The following FHIT variants were observed in gnomAD, a reference collection of about 807,000 sequenced individuals.
FHIT encodes bis(5'-adenosyl)-triphosphatase.
In FHIT, 19 loss-of-function variants were observed where a neutral mutation model predicts 17.9. The observed-to-expected ratio is 1.06, with a 90% CI of 0.74 to 1.56. FHIT has a LOEUF of 1.56. Among genes scored for constraint, FHIT ranks in the 40% most tolerant of loss-of-function variants. The pLI, the probability that FHIT is intolerant of heterozygous loss-of-function variation, is 0.00. For missense variants in FHIT, 248 were observed against 189.2 expected, an observed-to-expected ratio of 1.31 and a Z score of -1.82; for synonymous variants, 81 against 69.7, an observed-to-expected ratio of 1.16 and a Z score of -0.81.
At chr3:60,321,156 G>T (rs183615569) in intron 5 of FHIT, among the ~76,000 whole-genome samples, 5 of 152,120 alleles carry the variant, frequency 3.3e-5, no homozygotes, top group African/African-American at 1.2e-4. Flanking sequence ...TTCCCACCCT[G>T]CGAAGAATGG....
chr3:59,888,334 T>C (rs1703712764), intron 8 of FHIT, among the ~76,000 whole-genome samples: 1 of 152,176 alleles, frequency 6.6e-6, no homozygotes, highest in South Asian at 2.1e-4. Flanking sequence ...TAAATTTTGT[T>C]CTAATAAGGA....
rs1343610738 is a variant in FHIT at position 60,453,210 on chromosome 3, T to A, written c.103+83650A>T. The stretch of plus-strand genomic sequence containing the variant: ...TGCCTGAGCAGATTTTTTTTTTTTT[T>A]AACTCAAGTGCCCTATACAACTTCC... On this transcript the variant is annotated intron_variant, in intron 5 of 9. Coordinates refer to ENST00000492590, the MANE Select transcript of FHIT (RefSeq NM_002012.4). Among the ~76,000 whole-genome samples, 7 of 139,128 alleles carry A rather than the reference T, an allele frequency of 5.0e-5. No individual in the cohort carries two copies. The East Asian group carries it at 1.4e-3, about 27-fold the overall frequency. The allele number at this position is 139,128 out of a possible 152,430, so 91.3% of individuals were successfully genotyped here.
At chr3:59,771,218 G>A (rs910216607) in intron 8 of FHIT, among the ~76,000 whole-genome samples, 3 of 152,114 alleles carry the variant, frequency 2.0e-5, no homozygotes, top group African/African-American at 7.2e-5. Context: ...TCGAATTGCA[G>A]AAGGAAGAAC....
intron 5 of FHIT, among the ~76,000 whole-genome samples, chr3:60,460,411 T>G (rs142725376): frequency 6.6e-6 from 1 of 152,084 alleles, no homozygotes; most frequent in East Asian, 1.9e-4. Flanking sequence ...GCTTTTATAT[T>G]GGTTAAAAAA....
intron 5 of FHIT, among the ~76,000 whole-genome samples, chr3:60,110,785 A>T (rs1468581167): frequency 6.6e-6 from 1 of 152,244 alleles, no homozygotes; most frequent in Non-Finnish European, 1.5e-5. Context: ...CAGTTAAGGA[A>T]GGGGTTTGAC....
At chr3:60,264,573 AAGAGAGTTAAT>A (rs923698120) in intron 5 of FHIT, among the ~76,000 whole-genome samples, 12 of 152,006 alleles carry the variant, frequency 7.9e-5, no homozygotes, top group African/African-American at 2.7e-4. Flanking sequence ...ATAATACATT[AAGAGAGTTAAT>A]AGAGAGTTAA....
chr3:61,224,547 C>T (rs2039919170), intron 1 of FHIT, among the ~76,000 whole-genome samples: 1 of 152,090 alleles, frequency 6.6e-6, no homozygotes, highest in Non-Finnish European at 1.5e-5. Context: ...GTAGCTGGGA[C>T]CACGGGCACA....
In FHIT at chr3:60,045,109, G is replaced by A. The variant is rs576203434; in HGVS notation, c.104-30957C>T. 1.8e-4 allele frequency among the ~76,000 whole-genome samples: 28 copies of A among 152,236 alleles called. 1 individual carries two copies. Among genetic ancestry groups the A allele is most frequent in the South Asian group, 1.0e-3 (5 of 4,820 alleles). On this transcript the variant is annotated intron_variant, in intron 5 of 9. Coordinates refer to ENST00000492590, the MANE Select transcript of FHIT (RefSeq NM_002012.4). ...TTAATGGGTATACAGTTTCAGTTTCGTAAGATGAGTGAGTTCTGAAGATCT... is the reference window on the plus strand; with the variant it reads ...TTAATGGGTATACAGTTTCAGTTTCATAAGATGAGTGAGTTCTGAAGATCT...
chr3:60,742,592 AC>A (rs1260374347), intron 4 of FHIT, among the ~76,000 whole-genome samples: 1 of 152,194 alleles, frequency 6.6e-6, no homozygotes, highest in Non-Finnish European at 1.5e-5. Flanking sequence ...AAGTATTTGC[AC>A]CACAAGAAAA....
At chr3:61,046,695 A>G (rs538733454) in intron 2 of FHIT, among the ~76,000 whole-genome samples, 6 of 152,306 alleles carry the variant, frequency 3.9e-5, no homozygotes, top group African/African-American at 1.2e-4. Flanking sequence ...CACAAAAAAG[A>G]GACTTTTAGA....
intron 5 of FHIT, among the ~76,000 whole-genome samples, chr3:60,468,294 A>G (rs191003584): frequency 6.6e-6 from 1 of 152,120 alleles, no homozygotes; most frequent in Admixed American, 6.5e-5. Context: ...ATTTACATTC[A>G]ATGTTATTAT....
chr3:60,399,496 C>A (rs950586577), intron 5 of FHIT, among the ~76,000 whole-genome samples: 40 of 152,144 alleles, frequency 2.6e-4, no homozygotes, highest in African/African-American at 9.2e-4. Flanking sequence ...CTGACTCACA[C>A]TCTATTTTGG....
intron 4 of FHIT, among the ~76,000 whole-genome samples, chr3:60,715,000 A>C (rs1360898613): frequency 5.3e-5 from 8 of 152,208 alleles, no homozygotes; most frequent in African/African-American, 1.7e-4. Flanking sequence ...CAAAAGAACA[A>C]AGTTGGAGGC....
intron 5 of FHIT, 39 bp downstream of exon 5, chr3:60,536,821 C>A (rs767344187): frequency 6.4e-7 from 1 of 1,565,384 alleles, no homozygotes; most frequent in Admixed American, 2.0e-5. Context: ...GCTCAGAAGA[C>A]TTTTATTTTC....
At chr3:59,750,716 C>T in intron 9 of FHIT, 2 of 214,044 alleles carry the variant, frequency 9.3e-6, no homozygotes, top group Non-Finnish European at 1.9e-5. Flanking sequence ...TAGTCTGGGT[C>T]TTTAACTATT....
At chr3:60,556,346 A>C (rs1363923561) in intron 4 of FHIT, among the ~76,000 whole-genome samples, 10 of 152,216 alleles carry the variant, frequency 6.6e-5, no homozygotes, top group African/African-American at 2.4e-4. Context: ...GTCCCTCTGA[A>C]ACTATGACAA....
chr3:60,003,557 C>T (rs1277450268), intron 7 of FHIT, among the ~76,000 whole-genome samples: 2 of 152,002 alleles, frequency 1.3e-5, no homozygotes, highest in Admixed American at 6.6e-5. Context: ...CCAGCCTGGC[C>T]AACATGATGA....
At chr3:61,009,755 C>G (rs2031682710) in intron 3 of FHIT, among the ~76,000 whole-genome samples, 2 of 151,872 alleles carry the variant, frequency 1.3e-5, no homozygotes, top group African/African-American at 4.9e-5. Flanking sequence ...AAATACATAT[C>G]CTGTCTGATG....
chr3:60,076,400 T>C (rs1389915243), intron 5 of FHIT, among the ~76,000 whole-genome samples: 1 of 152,120 alleles, frequency 6.6e-6, no homozygotes, highest in African/African-American at 2.4e-5. Context: ...AGCCAACTTA[T>C]AAAATTATTC....
Sources: gnomAD v4.1 joint callset for allele counts (sites outside exome capture counted in the v4.1 genomes callset) on GRCh38, gnomAD v4.1.1 for gene constraint, MANE v1.5 for transcripts, NCBI Gene and HGNC (gene_info 2026-07-23, HGNC 2026-07-21) for gene names.